The following MSI2 variants were observed in gnomAD, a reference collection of about 807,000 sequenced individuals.
MSI2 encodes the protein RNA-binding protein Musashi homolog 2.
Under a neutral mutation model 45.6 loss-of-function variants are expected in MSI2, and 17 were observed. That is an observed-to-expected ratio of 0.37 (90% confidence interval 0.26 to 0.56). The LOEUF (loss-of-function observed/expected upper bound fraction) is 0.56, where lower values mean the gene tolerates loss of function less well. Ranked by LOEUF, MSI2 falls within the 20% of genes least tolerant of loss-of-function variation. The pLI, the probability that MSI2 is intolerant of heterozygous loss-of-function variation, is 0.77. For missense variants in MSI2, 293 were observed against 444.2 expected (o/e 0.66, Z 3.06); for synonymous variants, 156 against 158.2 (o/e 0.99, Z 0.11).
chr17:57,346,878 A>T (rs1915661880), intron 5 of MSI2, among the ~76,000 whole-genome samples: 1 of 152,188 alleles, frequency 6.6e-6, no homozygotes, highest in African/African-American at 2.4e-5. Context: ...AAGTGCTGGG[A>T]TTACAAGTGT....
At position 57,388,981 on chromosome 17, in the gene MSI2, CT is replaced by C. The variant is rs1251175262; in HGVS notation, c.313-12383del. 2.0e-3 allele frequency among the ~76,000 whole-genome samples: 223 copies of C among 113,818 alleles called. 1 individual carries two copies. Among genetic ancestry groups the C allele is most frequent in the South Asian group, 0.012 (35 of 3,032 alleles). The allele number at this position is 113,818 out of a possible 152,430, so 74.7% of individuals were successfully genotyped here. ...TGCTCTTCTTCTTCTTCTTCTTCTTCTTTTTTTTTTTTTTTGATACGGAGTC... is the reference window on the plus strand; with the variant it reads ...TGCTCTTCTTCTTCTTCTTCTTCTTCTTTTTTTTTTTTTTGATACGGAGTC... On this transcript the variant is annotated intron_variant, in intron 5 of 13. Transcript: ENST00000284073.
Position 57,616,072 on chromosome 17 carries a change from A to G in MSI2, c.640A>G (p.Met214Val). ...CACCATGGACGCGTTCATGCTTGGC[A>G]TGGGGATGCTGGGTGAGTCTGGACA... Reference protein sequence around the residue: ...PYTMDAFMLGMGMLGYPNFVA... With the variant: ...PYTMDAFMLGVGMLGYPNFVA... The change falls in exon 9 of 14, where the codon ATG becomes GTG. Residue 214 changes from methionine (M) to valine (V), a missense_variant. Transcript: ENST00000284073. 1 of 1,613,862 alleles carries G rather than the reference A, an allele frequency of 6.2e-7. No homozygotes were observed. Among genetic ancestry groups the G allele is most frequent in the Non-Finnish European group, 8.5e-7 (1 of 1,179,854 alleles).
At chr17:57,420,620 C>G (rs1035760048) in intron 6 of MSI2, among the ~76,000 whole-genome samples, 1 of 152,204 alleles carries the variant, frequency 6.6e-6, no homozygotes, top group Non-Finnish European at 1.5e-5. Flanking sequence ...ACCAGCACCC[C>G]GTGGGCCCTT....
intron 6 of MSI2, among the ~76,000 whole-genome samples, chr17:57,460,382 AAG>A (rs996220377): frequency 6.6e-6 from 1 of 151,820 alleles, no homozygotes; most frequent in African/African-American, 2.4e-5. Context: ...GGAAAGGAAA[AAG>A]AGAGAAAGAG....
At chr17:57,454,057 C>G (rs1316497093) in intron 6 of MSI2, among the ~76,000 whole-genome samples, 1 of 152,250 alleles carries the variant, frequency 6.6e-6, no homozygotes. Flanking sequence ...AGGAAGCCCT[C>G]ATTCACAGGG....
At chr17:57,526,307 G>A (rs2086694185) in intron 6 of MSI2, among the ~76,000 whole-genome samples, 1 of 151,000 alleles carries the variant, frequency 6.6e-6, no homozygotes. Flanking sequence ...AATGAGGCCT[G>A]GCCTGTGTGT....
chr17:57,262,027 C>A, intron 4 of MSI2, 124 bp from the exon 5 acceptor site: 2 of 1,011,380 alleles, frequency 2.0e-6, no homozygotes, highest in Admixed American at 2.1e-5. Context: ...TTTGAGTTGC[C>A]TGAGAAGTTA....
intron 6 of MSI2, among the ~76,000 whole-genome samples, chr17:57,438,311 G>A (rs1030377822): frequency 6.6e-6 from 1 of 152,154 alleles, no homozygotes; most frequent in African/African-American, 2.4e-5. Flanking sequence ...CCCAGGGGGA[G>A]TTCAGTAACG....
intron 5 of MSI2, among the ~76,000 whole-genome samples, chr17:57,289,426 C>T (rs1910211836): frequency 1.3e-5 from 2 of 152,004 alleles, no homozygotes; most frequent in African/African-American, 4.8e-5. Flanking sequence ...AAATTTGTCA[C>T]TCAGAGGGAC....
intron 5 of MSI2, among the ~76,000 whole-genome samples, chr17:57,270,561 A>C (rs981672832): frequency 4.6e-5 from 7 of 152,220 alleles, no homozygotes; most frequent in East Asian, 3.8e-4. Flanking sequence ...CTTGTTTAGC[A>C]TAGGTAAGTG....
rs115827382 is a variant in MSI2 at position 57,468,639 on chromosome 17, G to A, written c.406-61037G>A. Among the ~76,000 whole-genome samples, 511 of 152,128 alleles carry A rather than the reference G, an allele frequency of 3.4e-3. 5 individuals carry two copies. The highest frequency in any genetic ancestry group is 0.012 in the African/African-American group (479 of 41,506). On this transcript the variant is annotated intron_variant, in intron 6 of 13. Coordinates refer to ENST00000284073, the MANE Select transcript of MSI2 (RefSeq NM_138962.4). Reference sequence around the variant, plus strand: ...ACTGACATCTCTTGAAGAAGAGATAGCAAGAATCCTGGCTTCTGAGAGGAT... The same window carrying A: ...ACTGACATCTCTTGAAGAAGAGATAACAAGAATCCTGGCTTCTGAGAGGAT...
chr17:57,586,938 A>G (rs1402617372), intron 7 of MSI2, among the ~76,000 whole-genome samples: 1 of 152,126 alleles, frequency 6.6e-6, no homozygotes, highest in African/African-American at 2.4e-5. Context: ...CTCTTTTACC[A>G]TATGGTCTCC....
intron 6 of MSI2, among the ~76,000 whole-genome samples, chr17:57,508,734 C>T (rs956102284): frequency 2.0e-5 from 3 of 152,128 alleles, no homozygotes; most frequent in African/African-American, 4.8e-5. Context: ...CGCGTGAGCC[C>T]GGCAGGCCTG....
chr17:57,477,227 TTATC>T (rs1367451806), intron 6 of MSI2, among the ~76,000 whole-genome samples: 9 of 143,716 alleles, frequency 6.3e-5, no homozygotes, highest in Non-Finnish European at 1.2e-4. Flanking sequence ...CAGGAGCTGT[TTATC>T]TGTACTCTGG....
intron 5 of MSI2, among the ~76,000 whole-genome samples, chr17:57,343,913 C>T (rs912038187): frequency 1.3e-5 from 2 of 152,206 alleles, no homozygotes; most frequent in East Asian, 1.9e-4. Context: ...CAGAACACGA[C>T]GTAAGTGTTT....
chr17:57,557,149 CAGATGGTACACGG>C (rs781205898), intron 7 of MSI2, among the ~76,000 whole-genome samples: 1 of 152,166 alleles, frequency 6.6e-6, no homozygotes, highest in Non-Finnish European at 1.5e-5. Flanking sequence ...AAAGGCATGG[CAGATGGTACACGG>C]AAATATCACC....
intron 7 of MSI2, among the ~76,000 whole-genome samples, chr17:57,557,013 G>A (rs145200704): frequency 4.6e-5 from 7 of 152,300 alleles, no homozygotes; most frequent in African/African-American, 1.7e-4. Flanking sequence ...GGCCTGAAAT[G>A]GAGAAGGGAC....
chr17:57,312,512 A>G (rs916081883), intron 5 of MSI2, among the ~76,000 whole-genome samples: 1 of 152,126 alleles, frequency 6.6e-6, no homozygotes, highest in African/African-American at 2.4e-5. Flanking sequence ...TGCAGTTTCA[A>G]GGCTGACCAG....
chr17:57,597,428 C>T (rs1026217781), intron 8 of MSI2, among the ~76,000 whole-genome samples: 10 of 139,636 alleles, frequency 7.2e-5, no homozygotes, highest in Non-Finnish European at 9.0e-5. Context: ...GCCAGGAGTT[C>T]GAGACGAGCC....
Sources: allele counts gnomAD v4.1 joint callset (sites outside exome capture counted in the v4.1 genomes callset), GRCh38; gene constraint gnomAD v4.1.1; transcripts MANE v1.5; gene names NCBI Gene and HGNC (gene_info 2026-07-23, HGNC 2026-07-21).